The following SPATS2 variants were observed in gnomAD, a reference collection of about 807,000 sequenced individuals.
SPATS2 encodes the protein spermatogenesis associated serine rich 2.
SPATS2 carries 38 observed loss-of-function variants against 63.7 expected under a neutral mutation model. That is an observed-to-expected ratio of 0.60 (90% CI 0.46 to 0.78). The LOEUF (loss-of-function observed/expected upper bound fraction) is 0.78. Among genes scored for constraint, SPATS2 ranks in the 30% least tolerant of loss-of-function variants. SPATS2 has a pLI of 0.00. For missense variants in SPATS2, 588 were observed against 666.2 expected (o/e 0.88, Z 1.29); for synonymous variants, 207 against 232.9 (o/e 0.89, Z 1.01).
At chr12:49,418,453 C>T (rs1245467164) in intron 2 of SPATS2, among the ~76,000 whole-genome samples, 3 of 152,078 alleles carry the variant, frequency 2.0e-5, no homozygotes, top group African/African-American at 4.8e-5. Flanking sequence ...GTGCCTGCCA[C>T]CACGCCCAGC....
intron 2 of SPATS2, among the ~76,000 whole-genome samples, chr12:49,422,419 CTTCT>C (rs1944999603): frequency 6.6e-6 from 1 of 151,848 alleles, no homozygotes; most frequent in African/African-American, 2.4e-5. Context: ...CTTTTTTTTC[CTTCT>C]GTTTCCATAA....
chr12:49,502,255 C>T (rs141329254), intron 9 of SPATS2, among the ~76,000 whole-genome samples: 323 of 150,760 alleles, frequency 2.1e-3, no homozygotes, highest in Non-Finnish European at 3.6e-3. Flanking sequence ...AGTGTAGGTC[C>T]CCTCAGTCCT....
Position 49,375,802 on chromosome 12 carries a change from A to G in SPATS2, c.-244+4512A>G, listed in dbSNP as rs998365987. Among the ~76,000 whole-genome samples the G allele has an allele frequency of 3.9e-5, 6 of 152,150 alleles. No homozygotes were observed. In the East Asian group the frequency reaches 1.2e-3, roughly 29 times the overall value. On this transcript the variant is annotated intron_variant, in intron 2 of 13. Transcript: ENST00000552918. ...CATAACACTGCAGATGAAGCCAGCC[A>G]TGTAGCTTAAACTTCTTTTTTTTTG...
intron 6 of SPATS2, among the ~76,000 whole-genome samples, chr12:49,491,626 T>A (rs1189213840): frequency 6.6e-6 from 1 of 152,158 alleles, no homozygotes; most frequent in Non-Finnish European, 1.5e-5. Context: ...ATGGGATCAG[T>A]CAGAACTGGA....
intron 2 of SPATS2, among the ~76,000 whole-genome samples, chr12:49,436,448 G>A: frequency 7.1e-6 from 1 of 139,872 alleles, no homozygotes; most frequent in East Asian, 2.2e-4. Context: ...GGGCAGAGGG[G>A]CTCCTCACTT....
At position 49,403,638 on chromosome 12, in the gene SPATS2, CACAA is replaced by C. The variant is rs1449968179; in HGVS notation, c.-244+32354_-244+32357del. On this transcript the variant is annotated intron_variant, in intron 2 of 13. Coordinates refer to ENST00000552918, the MANE Select transcript of SPATS2 (RefSeq NM_023071.4). ...ACACACACACACACACACACACACA[CACAA>C]ACAAAACTGGAATTCTCTGTTATGG... 3.2e-3 allele frequency among the ~76,000 whole-genome samples: 474 copies of C among 146,024 alleles called. 6 individuals are homozygous for C. The highest frequency in any genetic ancestry group is 0.012 in the African/African-American group (454 of 38,196).
At chr12:49,407,086 C>A (rs151151768) in intron 2 of SPATS2, among the ~76,000 whole-genome samples, 1 of 152,302 alleles carries the variant, frequency 6.6e-6, no homozygotes, top group African/African-American at 2.4e-5. Flanking sequence ...ACCTTGGAAT[C>A]ATCCTTGATG....
At chr12:49,492,817 C>T (rs147890599) in intron 6 of SPATS2, among the ~76,000 whole-genome samples, 288 of 151,918 alleles carry the variant, frequency 1.9e-3, no homozygotes, top group African/African-American at 6.4e-3. Flanking sequence ...AAGATGAGGC[C>T]GGGCACGGTG....
Position 49,514,657 on chromosome 12 carries a change from A to C in SPATS2, c.898+44A>C, listed in dbSNP as rs376945051. 3.8e-4 allele frequency: 593 copies of C among 1,568,410 alleles called. 1 individual carries two copies. The highest frequency in any genetic ancestry group is 5.1e-4 in the Non-Finnish European group (578 of 1,143,576). On this transcript the variant is annotated intron_variant, in intron 10 of 13. Transcript: ENST00000552918. ...AATTAAAGCTATTACCTTCATAAAT[A>C]GTAGGTACCTACTTCCCAACCCTTA...
intron 2 of SPATS2, among the ~76,000 whole-genome samples, chr12:49,386,175 A>G (rs1944315154): frequency 7.6e-6 from 1 of 131,476 alleles, no homozygotes; most frequent in African/African-American, 2.9e-5. Context: ...GCTTGTGGTT[A>G]TTTATTTGAG....
chr12:49,431,127 A>G (rs1945177591), intron 2 of SPATS2, among the ~76,000 whole-genome samples: 1 of 152,210 alleles, frequency 6.6e-6, no homozygotes, highest in Non-Finnish European at 1.5e-5. Context: ...CCATTCTTCA[A>G]GAGATCATCA....
At chr12:49,366,881 G>C (rs1381415245), upstream of SPATS2, 1 of 151,928 alleles carries the variant, frequency 6.6e-6, no homozygotes, top group Admixed American at 6.5e-5. Flanking sequence ...CGGGCCCTCC[G>C]TTCCCGGCGC....
chr12:49,447,667 T>C (rs182589453), intron 2 of SPATS2, among the ~76,000 whole-genome samples: 46 of 152,350 alleles, frequency 3.0e-4, no homozygotes, highest in African/African-American at 1.1e-3. Context: ...TAATTCAATT[T>C]CTTGATATCC....
At chr12:49,374,446 G>C (rs1944057412) in intron 2 of SPATS2, among the ~76,000 whole-genome samples, 1 of 151,942 alleles carries the variant, frequency 6.6e-6, no homozygotes, top group South Asian at 2.1e-4. Context: ...ATTATCTTTA[G>C]CCACTGGATA....
At chr12:49,449,503 C>T (rs1309425907) in intron 2 of SPATS2, among the ~76,000 whole-genome samples, 2 of 152,152 alleles carry the variant, frequency 1.3e-5, no homozygotes, top group East Asian at 1.9e-4. Context: ...CGTGAGCCAC[C>T]GTGCCTGGCC....
intron 2 of SPATS2, among the ~76,000 whole-genome samples, chr12:49,435,967 A>G (rs1318124785): frequency 6.6e-6 from 1 of 150,756 alleles, no homozygotes; most frequent in East Asian, 1.9e-4. Flanking sequence ...GGGTAAGGTC[A>G]CAGATCAACA....
chr12:49,409,958 T>C (rs1256074299), intron 2 of SPATS2, among the ~76,000 whole-genome samples: 3 of 152,170 alleles, frequency 2.0e-5, no homozygotes, highest in African/African-American at 4.8e-5. Context: ...AGAGAAGGAA[T>C]CTTAAATCTT....
At chr12:49,385,877 T>G (rs1204236632) in intron 2 of SPATS2, among the ~76,000 whole-genome samples, 29 of 151,186 alleles carry the variant, frequency 1.9e-4, no homozygotes, top group Admixed American at 1.8e-3. Context: ...GTTTTTTGTT[T>G]TTTTTTTTTG....
At chr12:49,385,390 G>GT (rs397797694) in intron 2 of SPATS2, among the ~76,000 whole-genome samples, 23 of 151,040 alleles carry the variant, frequency 1.5e-4, no homozygotes, top group Admixed American at 4.6e-4. Context: ...GTGTGTGTGT[G>GT]GCAGAGACAG....
Sources: allele counts gnomAD v4.1 joint callset (sites outside exome capture counted in the v4.1 genomes callset), GRCh38; gene constraint gnomAD v4.1.1; transcripts MANE v1.5; gene names NCBI Gene and HGNC (gene_info 2026-07-23, HGNC 2026-07-21).